Variants in MSRB3 observed in about 807,000 individuals in gnomAD.
MSRB3 encodes methionine sulfoxide reductase B3.
A neutral mutation model predicts 21.0 loss-of-function variants in MSRB3; 13 were observed. That is an observed-to-expected ratio of 0.62 (90% confidence interval 0.40 to 0.98). The LOEUF (loss-of-function observed/expected upper bound fraction) is 0.98, where lower values mean the gene tolerates loss of function less well. Ranked by LOEUF, MSRB3 falls within the 50% of genes least tolerant of loss-of-function variation. MSRB3 has a pLI of 0.00. For missense variants in MSRB3, 199 were observed against 230.3 expected (o/e 0.86, Z 0.88); for synonymous variants, 87 against 88.6 (o/e 0.98, Z 0.10).
intron 5 of MSRB3, among the ~76,000 whole-genome samples, chr12:65,370,452 G>A (rs936552437): frequency 7.9e-5 from 12 of 152,086 alleles, no homozygotes; most frequent in African/African-American, 2.7e-4. Context: ...TCAGAAACTG[G>A]TTTTAGGGTA....
intron 5 of MSRB3, among the ~76,000 whole-genome samples, chr12:65,431,845 G>A (rs1195987564): frequency 6.6e-6 from 1 of 152,102 alleles, no homozygotes; most frequent in Non-Finnish European, 1.5e-5. Flanking sequence ...GGCAGTAGCT[G>A]AGTATGCACA....
intron 5 of MSRB3, among the ~76,000 whole-genome samples, chr12:65,427,966 C>T (rs568965202): frequency 6.6e-6 from 1 of 152,246 alleles, no homozygotes; most frequent in South Asian, 2.1e-4. Context: ...CCACAGGACC[C>T]AGGTCTAGAG....
chr12:65,306,319 T>G (rs1045643707), intron 1 of MSRB3, among the ~76,000 whole-genome samples: 2 of 152,240 alleles, frequency 1.3e-5, no homozygotes, highest in Non-Finnish European at 2.9e-5. Flanking sequence ...ATGATTCTTT[T>G]GTTCTGTGGA....
intron 1 of MSRB3, chr12:65,286,183 C>T (rs1872335617): frequency 6.6e-6 from 1 of 152,080 alleles, no homozygotes; most frequent in African/African-American, 2.4e-5. Flanking sequence ...CACTTGATTT[C>T]TTGCTTTATG....
At chr12:65,437,906 G>A (rs762397371) in intron 5 of MSRB3, among the ~76,000 whole-genome samples, 12 of 151,824 alleles carry the variant, frequency 7.9e-5, no homozygotes, top group Admixed American at 5.9e-4. Flanking sequence ...TTCACTAGAT[G>A]TTGTTTTGTC....
At chr12:65,391,516 A>G (rs1474974833) in intron 5 of MSRB3, among the ~76,000 whole-genome samples, 1 of 152,162 alleles carries the variant, frequency 6.6e-6, no homozygotes, top group Non-Finnish European at 1.5e-5. Flanking sequence ...GAAACTTATT[A>G]TGTGGGTCCC....
At chr12:65,421,174 G>A (rs1244442338) in intron 5 of MSRB3, among the ~76,000 whole-genome samples, 1 of 152,092 alleles carries the variant, frequency 6.6e-6, no homozygotes, top group Non-Finnish European at 1.5e-5. Flanking sequence ...ATGTGAGGTG[G>A]TATCTCATTG....
chr12:65,421,461 A>C lies in MSRB3; in HGVS notation c.293-32267A>C, dbSNP rs573878415. 3.0e-4 allele frequency among the ~76,000 whole-genome samples: 46 copies of C among 152,220 alleles called. No homozygotes were observed. In the South Asian group the frequency reaches 9.5e-3, roughly 32 times the overall value. On this transcript the variant is annotated intron_variant, in intron 5 of 6. Transcript: ENST00000308259. ...TTCTTTTGCTGTGCAGAAGCTCTTA[A>C]GTTTAATTAGATCTCATTTGTCAGT...
intron 5 of MSRB3, chr12:65,418,739 T>C (rs1881113690): frequency 2.2e-6 from 2 of 909,296 alleles, no homozygotes; most frequent in Non-Finnish European, 3.6e-6. Flanking sequence ...CTCAGAACTT[T>C]GGTGTCATTG....
At chr12:65,450,863 CATG>C in intron 5 of MSRB3, among the ~76,000 whole-genome samples, 1 of 152,324 alleles carries the variant, frequency 6.6e-6, no homozygotes, top group Non-Finnish European at 1.5e-5. Context: ...AATACTTTCA[CATG>C]ATGAGGGAAT....
At chr12:65,385,509 G>A (rs1472824606) in intron 5 of MSRB3, among the ~76,000 whole-genome samples, 4 of 151,978 alleles carry the variant, frequency 2.6e-5, no homozygotes, top group Middle Eastern at 3.4e-3. Context: ...TATAATTCCA[G>A]TATGGGAAAA....
chr12:65,408,885 A>C (rs1379083031), intron 5 of MSRB3, among the ~76,000 whole-genome samples: 1 of 152,174 alleles, frequency 6.6e-6, no homozygotes, highest in Admixed American at 6.5e-5. Context: ...GGCCTTGTTA[A>C]AAATAACACA....
At chr12:65,399,427 G>A (rs1171251162) in intron 5 of MSRB3, among the ~76,000 whole-genome samples, 1 of 152,184 alleles carries the variant, frequency 6.6e-6, no homozygotes, top group Non-Finnish European at 1.5e-5. Flanking sequence ...GTATAGGAAT[G>A]CTTGTGATTT....
chr12:65,452,682 AT>A (rs1025501986), intron 5 of MSRB3, among the ~76,000 whole-genome samples: 45 of 152,218 alleles, frequency 3.0e-4, no homozygotes, highest in African/African-American at 1.0e-3. Context: ...AGCTTTGGGG[AT>A]TTGGCCTAAT....
chr12:65,450,749 C>A (rs775799808), intron 5 of MSRB3, among the ~76,000 whole-genome samples: 2 of 152,166 alleles, frequency 1.3e-5, no homozygotes, highest in Non-Finnish European at 2.9e-5. Context: ...ACGCAGATTG[C>A]TTTAGTCTCT....
chr12:65,408,104 TG>T (rs1880515689), intron 5 of MSRB3, among the ~76,000 whole-genome samples: 1 of 152,130 alleles, frequency 6.6e-6, no homozygotes, highest in Non-Finnish European at 1.5e-5. Flanking sequence ...TATGGCTTTT[TG>T]TTTTTTTAAG....
intron 2 of MSRB3, among the ~76,000 whole-genome samples, chr12:65,318,299 A>C (rs1391758644): frequency 1.3e-5 from 2 of 152,122 alleles, no homozygotes; most frequent in African/African-American, 4.8e-5. Flanking sequence ...TTTCTGGTGA[A>C]GTATACTCAA....
intron 4 of MSRB3, among the ~76,000 whole-genome samples, chr12:65,337,514 AT>A (rs199732136): frequency 6.7e-5 from 10 of 149,498 alleles, no homozygotes; most frequent in South Asian, 2.1e-4. Context: ...TTTCTATCTC[AT>A]TTTTTTTCAG....
At chr12:65,331,481 A>C (rs1875415132) in intron 4 of MSRB3, among the ~76,000 whole-genome samples, 1 of 152,128 alleles carries the variant, frequency 6.6e-6, no homozygotes, top group Non-Finnish European at 1.5e-5. Context: ...AACAGCAGAG[A>C]AGTTGTTATG....
Sources: gnomAD v4.1 joint callset for allele counts (sites outside exome capture counted in the v4.1 genomes callset) on GRCh38, gnomAD v4.1.1 for gene constraint, MANE v1.5 for transcripts, NCBI Gene and HGNC (gene_info 2026-07-23, HGNC 2026-07-21) for gene names.